CTNNBL1: variants seen among roughly 807,000 people sequenced by gnomAD.
CTNNBL1 encodes the protein beta-catenin-like protein 1.
Under a neutral mutation model 72.7 loss-of-function variants are expected in CTNNBL1, and 31 were observed. That is an observed-to-expected ratio of 0.43 (90% CI 0.32 to 0.58). The LOEUF (loss-of-function observed/expected upper bound fraction) is 0.58, where lower values mean the gene tolerates loss of function less well. Among genes scored for constraint, CTNNBL1 ranks in the 20% least tolerant of loss-of-function variants. The pLI is 0.08. For missense variants in CTNNBL1, 534 were observed against 725.1 expected (o/e 0.74, Z 3.03); for synonymous variants, 240 against 267.3 (o/e 0.90, Z 1.00).
intron 10 of CTNNBL1, among the ~76,000 whole-genome samples, chr20:37,783,073 T>A (rs542180349): frequency 1.3e-5 from 2 of 152,296 alleles, no homozygotes; most frequent in Admixed American, 1.3e-4. Flanking sequence ...GCCTGGCTAA[T>A]TTTTTAAAAA....
intron 1 of CTNNBL1, among the ~76,000 whole-genome samples, chr20:37,710,656 C>A (rs2072929273): frequency 6.6e-6 from 1 of 152,080 alleles, no homozygotes; most frequent in Admixed American, 6.6e-5. Context: ...CTACCACTCA[C>A]AAATAGGGGC....
chr20:37,865,311 C>A (rs187300637), intron 15 of CTNNBL1, among the ~76,000 whole-genome samples: 1 of 152,176 alleles, frequency 6.6e-6, no homozygotes, highest in East Asian at 1.9e-4. Context: ...GGAATGAAGA[C>A]GGCACAGTTA....
chr20:37,801,427 G>C (rs1439520145), intron 10 of CTNNBL1, among the ~76,000 whole-genome samples: 2 of 152,108 alleles, frequency 1.3e-5, no homozygotes, highest in Non-Finnish European at 2.9e-5. Flanking sequence ...GTATTTAAAA[G>C]AATAATTTAA....
chr20:37,804,994 G>C (rs571144302), intron 11 of CTNNBL1, among the ~76,000 whole-genome samples: 4 of 152,254 alleles, frequency 2.6e-5, no homozygotes, highest in Non-Finnish European at 5.9e-5. Context: ...AGTACCCAGA[G>C]AGCAGAAGTG....
chr20:37,854,965 T>A (rs544220115), intron 13 of CTNNBL1, among the ~76,000 whole-genome samples: 6 of 152,176 alleles, frequency 3.9e-5, no homozygotes, highest in African/African-American at 1.4e-4. Context: ...ACATAGTAAG[T>A]CCCCAGTAAC....
intron 10 of CTNNBL1, among the ~76,000 whole-genome samples, chr20:37,783,563 C>T (rs1178768152): frequency 2.6e-5 from 4 of 152,084 alleles, no homozygotes; most frequent in African/African-American, 9.7e-5. Flanking sequence ...TGTTGTGTTT[C>T]CATTTTCATT....
At chr20:37,855,084 C>T (rs1193300306) in intron 13 of CTNNBL1, among the ~76,000 whole-genome samples, 2 of 142,130 alleles carry the variant, frequency 1.4e-5, no homozygotes, top group Admixed American at 7.3e-5. Flanking sequence ...TATGATCTAC[C>T]GAAAGCTGTG....
chr20:37,754,281 G>C (rs1019484210), intron 4 of CTNNBL1, among the ~76,000 whole-genome samples: 1 of 132,402 alleles, frequency 7.6e-6, no homozygotes, highest in Non-Finnish European at 1.7e-5. Flanking sequence ...TTATTTATTT[G>C]CTTTTTTTTT....
At chr20:37,760,363 C>T (rs1307728838) in intron 5 of CTNNBL1, among the ~76,000 whole-genome samples, 1 of 152,198 alleles carries the variant, frequency 6.6e-6, no homozygotes, top group African/African-American at 2.4e-5. Flanking sequence ...TTCCACTTGC[C>T]TAGCCTTGCT....
intron 15 of CTNNBL1, among the ~76,000 whole-genome samples, chr20:37,868,798 A>C (rs1568820153): frequency 6.6e-6 from 1 of 152,144 alleles, no homozygotes; most frequent in Non-Finnish European, 1.5e-5. Context: ...TTACTGTTGG[A>C]AAATCACTGC....
intron 13 of CTNNBL1, among the ~76,000 whole-genome samples, chr20:37,845,702 C>A (rs1215526943): frequency 6.6e-6 from 1 of 152,200 alleles, no homozygotes; most frequent in Non-Finnish European, 1.5e-5. Flanking sequence ...TCTGAGGTTG[C>A]AGACAGTTTG....
intron 5 of CTNNBL1, among the ~76,000 whole-genome samples, chr20:37,759,321 A>T (rs1300113547): frequency 6.6e-6 from 1 of 152,134 alleles, no homozygotes; most frequent in East Asian, 1.9e-4. Flanking sequence ...CCAGAGGTTA[A>T]TTACATGGCC....
At chr20:37,761,901 C>T (rs2073420931) in intron 5 of CTNNBL1, among the ~76,000 whole-genome samples, 1 of 152,146 alleles carries the variant, frequency 6.6e-6, no homozygotes, top group Non-Finnish European at 1.5e-5. Context: ...TTGACATATT[C>T]AAGGAACAGA....
chr20:37,830,574 C>G (rs2072199581), intron 11 of CTNNBL1, among the ~76,000 whole-genome samples: 2 of 152,128 alleles, frequency 1.3e-5, no homozygotes, highest in Admixed American at 1.3e-4. Context: ...CACTTTTTTC[C>G]TTCTATTCTC....
chr20:37,838,229 G>A (rs1285447225), intron 11 of CTNNBL1, among the ~76,000 whole-genome samples: 3 of 152,196 alleles, frequency 2.0e-5, no homozygotes, highest in African/African-American at 7.2e-5. Context: ...CAGACCTGAC[G>A]TTAGGTGTTA....
intron 3 of CTNNBL1, among the ~76,000 whole-genome samples, chr20:37,741,406 A>G (rs1264409302): frequency 6.6e-6 from 1 of 152,188 alleles, no homozygotes; most frequent in African/African-American, 2.4e-5. Flanking sequence ...TAGGCACTGT[A>G]TATATATTAT....
At chr20:37,859,668 T>C (rs1289080206) in intron 13 of CTNNBL1, among the ~76,000 whole-genome samples, 1 of 151,762 alleles carries the variant, frequency 6.6e-6, no homozygotes, top group East Asian at 1.9e-4. Context: ...ATTCGTCAGA[T>C]AGGAAAAAAT....
intron 11 of CTNNBL1, among the ~76,000 whole-genome samples, chr20:37,805,864 GT>G (rs1459218502): frequency 2.0e-5 from 3 of 152,186 alleles, no homozygotes; most frequent in Admixed American, 6.5e-5. Flanking sequence ...GCCTGGTCCC[GT>G]GGTGCTTGGC....
chr20:37,808,506 T>A (rs183084235), intron 11 of CTNNBL1, among the ~76,000 whole-genome samples: 7 of 152,330 alleles, frequency 4.6e-5, no homozygotes, highest in Non-Finnish European at 7.4e-5. Context: ...AAAGACCTAG[T>A]ATGTGACAGA....
Sources: gnomAD v4.1 joint callset for allele counts (sites outside exome capture counted in the v4.1 genomes callset) on GRCh38, gnomAD v4.1.1 for gene constraint, MANE v1.5 for transcripts, NCBI Gene and HGNC (gene_info 2026-07-23, HGNC 2026-07-21) for gene names.